Variants in TRMT2B observed in about 807,000 individuals in gnomAD.
TRMT2B encodes the protein tRNA (uracil-5-)-methyltransferase homolog B.
In TRMT2B, 34 loss-of-function variants were observed where a neutral mutation model predicts 39.7. That is an observed-to-expected ratio of 0.86 (90% CI 0.65 to 1.14). The LOEUF (loss-of-function observed/expected upper bound fraction) is 1.14. Ranked by LOEUF, TRMT2B falls within the 50% of genes most tolerant of loss-of-function variation. The probability of loss-of-function intolerance (pLI) is 0.00; values close to 1 mark genes in which losing one functional copy is unlikely to be tolerated. For missense variants in TRMT2B, 318 were observed against 377.2 expected, an observed-to-expected ratio of 0.84 and a Z score of 1.30; for synonymous variants, 132 against 137.3, an observed-to-expected ratio of 0.96 and a Z score of 0.27.
the TRMT2B span, among the ~76,000 whole-genome samples, chrX:100,976,949 C>T: frequency 1.8e-5 from 2 of 112,473 alleles, no homozygotes; most frequent in Admixed American, 9.4e-5. Flanking sequence ...AGGAAATGCC[C>T]GTCTGTAAGT....
rs888959875 is a variant in TRMT2B at position 101,051,844 on chromosome X, G to C, written c.-534C>G. 3.0e-6 allele frequency: 1 copy of C among 336,413 alleles called. No individual in the cohort carries two copies. The allele number at this position is 336,413 out of a possible 1,213,427, so 27.7% of individuals were successfully genotyped here. A position where few individuals can be genotyped will look rare whatever the true frequency, so the allele number is the denominator to read the frequency against. The stretch of plus-strand genomic sequence containing the variant: ...GAGGCGGCAAACTAAAAGGCCAGCG[G>C]ATGGCCTGGTTTGCTGCGGCGGGGA... On this transcript the variant is annotated 5_prime_UTR_variant, in exon 1 of 14. In the 5' UTR this introduces an upstream ATG that the reference lacks. Transcript: ENST00000372936.
the TRMT2B span, chrX:100,974,226 C>G: frequency 5.6e-6 from 6 of 1,076,381 alleles, no homozygotes; most frequent in Non-Finnish European, 7.6e-6. Flanking sequence ...TAGATACTGG[C>G]GTGGGTCTCC....
chrX:101,034,466 T>TA (rs1362759133), intron 7 of TRMT2B, among the ~76,000 whole-genome samples: 4 of 105,268 alleles, frequency 3.8e-5, no homozygotes, highest in Admixed American at 1.0e-4. Context: ...TCAGCAAAAA[T>TA]AAAAAAAAAA....
chrX:100,976,308 C>T, the TRMT2B span, among the ~76,000 whole-genome samples: 1 of 110,183 alleles, frequency 9.1e-6, no homozygotes, highest in African/African-American at 3.3e-5. Flanking sequence ...TGCTATTTTG[C>T]CTGTGAGAAT....
chrX:101,047,841 G>A (rs1392505721), intron 2 of TRMT2B, among the ~76,000 whole-genome samples: 1 of 108,507 alleles, frequency 9.2e-6, no homozygotes, highest in Non-Finnish European at 1.9e-5. Context: ...AAAAAAAACA[G>A]AGATGGGGTC....
the TRMT2B span, among the ~76,000 whole-genome samples, chrX:100,999,004 G>T: frequency 1.8e-5 from 2 of 112,232 alleles, no homozygotes; most frequent in Admixed American, 1.9e-4. Context: ...GCTTGGTTAC[G>T]TATAAAGGTA....
chrX:100,987,579 T>A, the TRMT2B span: 1 of 1,203,556 alleles, frequency 8.3e-7, no homozygotes, highest in Non-Finnish European at 1.1e-6. Context: ...CGCTATGAGA[T>A]TTGCTGATAA....
At chrX:100,981,547 C>T in the TRMT2B span, among the ~76,000 whole-genome samples, 40 of 107,733 alleles carry the variant, frequency 3.7e-4, no homozygotes, top group African/African-American at 1.4e-3. Flanking sequence ...CTCATGCCTG[C>T]AATCCCAGCA....
At chrX:100,991,520 T>A in the TRMT2B span, among the ~76,000 whole-genome samples, 3 of 110,584 alleles carry the variant, frequency 2.7e-5, no homozygotes, top group Non-Finnish European at 5.7e-5. Flanking sequence ...CTGGGACTAC[T>A]GGCGCCCACC....
At chrX:101,038,345 T>A (rs754149054) in intron 4 of TRMT2B, among the ~76,000 whole-genome samples, 1 of 80,506 alleles carries the variant, frequency 1.2e-5, no homozygotes. Flanking sequence ...TACTCCAGCC[T>A]GGCCAACAAG....
intron 6 of TRMT2B, among the ~76,000 whole-genome samples, chrX:101,036,322 T>C (rs1191838137): frequency 9.2e-6 from 1 of 108,654 alleles, no homozygotes; most frequent in Non-Finnish European, 1.9e-5. Context: ...GGTGCACACC[T>C]GTAATCCCAG....
intron 2 of TRMT2B, among the ~76,000 whole-genome samples, chrX:101,044,797 G>T (rs1224009214): frequency 1.1e-5 from 1 of 91,434 alleles, no homozygotes; most frequent in African/African-American, 4.3e-5. Flanking sequence ...CTGAGATCAC[G>T]CCACTGCACT....
At chrX:101,019,207 C>A in intron 12 of TRMT2B, 77 bp downstream of exon 12, 1 of 1,188,289 alleles carries the variant, frequency 8.4e-7, no homozygotes. Context: ...CTGGGAGCAC[C>A]CGTAGCATGG....
At chrX:100,986,852 A>G in the TRMT2B span, 2 of 1,206,438 alleles carry the variant, frequency 1.7e-6, no homozygotes, top group Non-Finnish European at 2.2e-6. Context: ...ATTATTGACT[A>G]TCTACTTCTA....
chrX:101,048,102 A>T (rs2088800364), intron 2 of TRMT2B, among the ~76,000 whole-genome samples: 4 of 79,745 alleles, frequency 5.0e-5, no homozygotes, highest in Non-Finnish European at 9.3e-5. Flanking sequence ...AGAATTTTAC[A>T]TTTATACACA....
the TRMT2B span, among the ~76,000 whole-genome samples, chrX:100,992,216 A>T: frequency 6.3e-5 from 7 of 111,247 alleles, no homozygotes; most frequent in Non-Finnish European, 9.4e-5. Flanking sequence ...GAAAAAAAAA[A>T]GCAGAGCAGG....
intron 7 of TRMT2B, among the ~76,000 whole-genome samples, chrX:101,027,039 G>A (rs909743138): frequency 6.3e-5 from 7 of 110,803 alleles, no homozygotes; most frequent in South Asian, 3.8e-4. Context: ...TCACCCATCT[G>A]AATCAAGTCA....
intron 2 of TRMT2B, among the ~76,000 whole-genome samples, chrX:101,044,472 C>G (rs895621502): frequency 9.0e-6 from 1 of 111,340 alleles, no homozygotes; most frequent in African/African-American, 3.3e-5. Context: ...CCTGTAATCC[C>G]AACACTTTGG....
chrX:101,013,076 C>G (rs1227867325), intron 13 of TRMT2B, among the ~76,000 whole-genome samples: 1 of 111,619 alleles, frequency 9.0e-6, no homozygotes, highest in Non-Finnish European at 1.9e-5. Context: ...CTACCTCAGC[C>G]TCCCGAAGTG....
Sources: gnomAD v4.1 joint callset for allele counts (sites outside exome capture counted in the v4.1 genomes callset) on GRCh38, gnomAD v4.1.1 for gene constraint, MANE v1.5 for transcripts, NCBI Gene and HGNC (gene_info 2026-07-23, HGNC 2026-07-21) for gene names.